Variants in COL23A1 observed in about 807,000 individuals in gnomAD.
COL23A1 encodes collagen type XXIII alpha 1 chain.
Under a neutral mutation model 99.3 loss-of-function variants are expected in COL23A1, and 97 were observed. That is an observed-to-expected ratio of 0.98 (90% confidence interval 0.83 to 1.16). The LOEUF is 1.16. Among genes scored for constraint, COL23A1 ranks in the 50% most tolerant of loss-of-function variants. The pLI is 0.00. For synonymous variants in COL23A1, 320 were observed against 308.2 expected (o/e 1.04, Z -0.40); for missense variants, 762 against 757.4 (o/e 1.01, Z -0.07).
chr5:178,268,888 G>A (rs1219279235), intron 6 of COL23A1, 132 bp from the exon 7 acceptor site: 3 of 838,150 alleles, frequency 3.6e-6, no homozygotes, highest in Non-Finnish European at 5.4e-6. Context: ...TTACACATGA[G>A]CTCTCAGCCC....
At position 178,426,473 on chromosome 5, in the gene COL23A1, C is replaced by G. The variant is rs531393044; in HGVS notation, c.362-119554G>C. 4.6e-5 allele frequency among the ~76,000 whole-genome samples: 7 copies of G among 152,360 alleles called. No individual in the cohort carries two copies. The South Asian group carries it at 1.4e-3, about 32-fold the overall frequency. ...TTTCGTGCACACTCCCACGCATGTC[C>G]CACTGCCGGACACAGACCAGCTTCC... On this transcript the variant is annotated intron_variant, in intron 2 of 28. Coordinates refer to ENST00000390654, the MANE Select transcript of COL23A1 (RefSeq NM_173465.4).
At position 178,522,817 on chromosome 5, in the gene COL23A1, C is replaced by T. The variant is rs563397521; in HGVS notation, c.361+37865G>A. 2.2e-4 allele frequency among the ~76,000 whole-genome samples: 33 copies of T among 152,210 alleles called. 1 individual carries two copies. The highest frequency in any genetic ancestry group is 3.4e-3 in the Middle Eastern group (1 of 294). On this transcript the variant is annotated intron_variant, in intron 2 of 28. Coordinates refer to ENST00000390654, the MANE Select transcript of COL23A1 (RefSeq NM_173465.4). ...ACGGGGACTGCCAGTGAGCTCTGCC[C>T]GAGGGCATCCTTCCCATTCAAGTCT...
chr5:178,260,736 G>A (rs936638206), intron 11 of COL23A1, among the ~76,000 whole-genome samples: 6 of 152,250 alleles, frequency 3.9e-5, no homozygotes, highest in African/African-American at 4.8e-5. Flanking sequence ...AGAGGTTGCA[G>A]TGGGCTGAGA....
chr5:178,363,796 T>C (rs1762307660), intron 2 of COL23A1, among the ~76,000 whole-genome samples: 1 of 152,218 alleles, frequency 6.6e-6, no homozygotes, highest in Non-Finnish European at 1.5e-5. Context: ...TGATGGCCTA[T>C]CCATCACCCT....
In COL23A1 at chr5:178,518,086, T is replaced by G. The variant is rs533385331; in HGVS notation, c.361+42596A>C. Among the ~76,000 whole-genome samples the G allele has an allele frequency of 2.8e-3, 351 of 127,092 alleles. 6 individuals are homozygous for G. Among genetic ancestry groups the G allele is most frequent in the Non-Finnish European group, 3.6e-3 (227 of 62,966 alleles). The allele number at this position is 127,092 out of a possible 152,430, so 83.4% of individuals were successfully genotyped here. ...GTCCCTGATTACTTGAGATTAGGGA[T>G]TGGTGATGACTCTTAAGGAGCATGC... is the stretch of plus-strand genomic sequence containing the variant. On this transcript the variant is annotated intron_variant, in intron 2 of 28. Coordinates refer to ENST00000390654, the MANE Select transcript of COL23A1 (RefSeq NM_173465.4).
intron 4 of COL23A1, among the ~76,000 whole-genome samples, chr5:178,289,229 A>G (rs1757322981): frequency 6.6e-6 from 1 of 152,064 alleles, no homozygotes; most frequent in Non-Finnish European, 1.5e-5. Flanking sequence ...GGCTCATCTG[A>G]AAGGAATTCC....
chr5:178,238,558 G>T lies in COL23A1; in HGVS notation c.*140C>A. On this transcript the variant is annotated 3_prime_UTR_variant, in exon 29 of 29. Coordinates refer to ENST00000390654, the MANE Select transcript of COL23A1 (RefSeq NM_173465.4). ...AGCTTCACATGCCGGTGGCTTTGGG[G>T]CTGGGTGGGCATACTCTTGAATGTT... 8.6e-7 allele frequency: 1 copy of T among 1,158,062 alleles called. No individual in the cohort carries two copies. The highest frequency in any genetic ancestry group is 1.3e-6 in the Non-Finnish European group (1 of 792,932). The allele number at this position is 1,158,062 out of a possible 1,614,324, so 71.7% of individuals were successfully genotyped here.
intron 2 of COL23A1, among the ~76,000 whole-genome samples, chr5:178,529,028 C>CT (rs1760487689): frequency 6.6e-6 from 1 of 152,248 alleles, no homozygotes; most frequent in Non-Finnish European, 1.5e-5. Flanking sequence ...ATTCTATGGC[C>CT]TCGCAGGGCT....
intron 2 of COL23A1, among the ~76,000 whole-genome samples, chr5:178,450,194 T>C (rs1282744869): frequency 6.6e-6 from 1 of 152,152 alleles, no homozygotes; most frequent in East Asian, 1.9e-4. Context: ...CCACCTGGTG[T>C]AGGTGAGAAG....
At chr5:178,345,377 C>A in intron 2 of COL23A1, 1 of 433,784 alleles carries the variant, frequency 2.3e-6, no homozygotes, top group Non-Finnish European at 4.4e-6. Flanking sequence ...CTTATTAGAC[C>A]TTTTGAAACT....
At chr5:178,370,926 A>T (rs1205268102) in intron 2 of COL23A1, among the ~76,000 whole-genome samples, 1 of 152,178 alleles carries the variant, frequency 6.6e-6, no homozygotes, top group African/African-American at 2.4e-5. Context: ...TGTGTGACAG[A>T]GTGTGACCCT....
intron 2 of COL23A1, among the ~76,000 whole-genome samples, chr5:178,413,665 A>C (rs1271561907): frequency 6.6e-6 from 1 of 152,216 alleles, no homozygotes. Context: ...TCCAGATGAG[A>C]TGGATCACAG....
At chr5:178,284,774 CA>C (rs1359347295) in intron 5 of COL23A1, among the ~76,000 whole-genome samples, 24 of 152,030 alleles carry the variant, frequency 1.6e-4, no homozygotes, top group Admixed American at 8.5e-4. Context: ...AAAAATAGTA[CA>C]AAAAAGTATG....
At chr5:178,452,496 T>C (rs2127870028) in intron 2 of COL23A1, among the ~76,000 whole-genome samples, 1 of 152,250 alleles carries the variant, frequency 6.6e-6, no homozygotes. Flanking sequence ...ATGGCCTAGA[T>C]AAAAATTAAG....
At chr5:178,497,939 T>C (rs1448871120) in intron 2 of COL23A1, among the ~76,000 whole-genome samples, 3 of 151,852 alleles carry the variant, frequency 2.0e-5, no homozygotes, top group Non-Finnish European at 4.4e-5. Context: ...ATAAATTTCC[T>C]ATGACCAAGT....
chr5:178,276,198 G>A lies in COL23A1; in HGVS notation c.442-5835C>T, dbSNP rs117756781. On this transcript the variant is annotated intron_variant, in intron 5 of 28. Transcript: ENST00000390654. ...TGCTCTATGTTAGGGAAAGGTCCAG[G>A]GCTGGCCCTGTCCTCCTGACTGCGG... 7.4e-4 allele frequency among the ~76,000 whole-genome samples: 113 copies of A among 152,258 alleles called. No homozygotes were observed. In the East Asian group the frequency reaches 0.019, roughly 26 times the overall value.
At chr5:178,570,859 A>T (rs1245040725) in intron 1 of COL23A1, among the ~76,000 whole-genome samples, 1 of 151,982 alleles carries the variant, frequency 6.6e-6, no homozygotes, top group Non-Finnish European at 1.5e-5. Flanking sequence ...AGGACTGGAG[A>T]GATGAAAGCC....
chr5:178,326,933 T>A (rs1032353026), intron 2 of COL23A1, among the ~76,000 whole-genome samples: 3 of 152,248 alleles, frequency 2.0e-5, no homozygotes, highest in Non-Finnish European at 4.4e-5. Flanking sequence ...CTGGTCAGGC[T>A]GGTCTCGAAC....
chr5:178,321,092 C>T (rs1374819179), intron 2 of COL23A1, among the ~76,000 whole-genome samples: 1 of 152,226 alleles, frequency 6.6e-6, no homozygotes, highest in Non-Finnish European at 1.5e-5. Context: ...TGGAAGATTA[C>T]ACTGTATTTG....
Sources: allele counts gnomAD v4.1 joint callset (sites outside exome capture counted in the v4.1 genomes callset), GRCh38; gene constraint gnomAD v4.1.1; transcripts MANE v1.5; gene names NCBI Gene and HGNC (gene_info 2026-07-23, HGNC 2026-07-21).